The following MAVS variants were observed in gnomAD, a reference collection of about 807,000 sequenced individuals.
The protein encoded by MAVS is mitochondrial antiviral signaling protein, also known as mitochondrial antiviral-signaling protein.
Under a neutral mutation model 30.2 loss-of-function variants are expected in MAVS, and 20 were observed. The observed-to-expected ratio is 0.66, with a 90% confidence interval of 0.47 to 0.96. The LOEUF (loss-of-function observed/expected upper bound fraction) is 0.96, where lower values mean the gene tolerates loss of function less well. Among genes scored for constraint, MAVS ranks in the 40% least tolerant of loss-of-function variants. The pLI is 0.00. For missense variants in MAVS, 624 were observed against 701.1 expected (o/e 0.89, Z 1.24); for synonymous variants, 278 against 293.9 (o/e 0.95, Z 0.55).
chr20:3,865,547 G>A lies in MAVS; in HGVS notation c.1159-136G>A, dbSNP rs2089899457. ...TACCCCCACTGCTCCAAGAAAAGGT[G>A]GCCTAGGGGCATTATAGATTGGGAA... On this transcript the variant is annotated intron_variant, in intron 6 of 6. Coordinates refer to ENST00000428216, the MANE Select transcript of MAVS (RefSeq NM_020746.5). This position sits in a 1 kb window ranked among gnomAD's most constrained non-coding sequence, Gnocchi z 4.7. 1 of 787,338 alleles carries A rather than the reference G, an allele frequency of 1.3e-6. No homozygotes were observed. Among genetic ancestry groups the A allele is most frequent in the East Asian group, 2.7e-5 (1 of 36,992 alleles). The allele number at this position is 787,338 out of a possible 1,614,324, so 48.8% of individuals were successfully genotyped here.
chr20:3,860,710 TC>T (rs1165764691), intron 3 of MAVS, among the ~76,000 whole-genome samples: 1 of 148,590 alleles, frequency 6.7e-6, no homozygotes, highest in Non-Finnish European at 1.5e-5. Flanking sequence ...GGAGTCTTGC[TC>T]TGTTGCCCAG....
intron 2 of MAVS, among the ~76,000 whole-genome samples, chr20:3,856,215 C>T (rs1015694534): frequency 6.6e-6 from 1 of 151,822 alleles, no homozygotes; most frequent in Admixed American, 6.6e-5. Flanking sequence ...CCACCATGCC[C>T]GGCTAATTTT....
At chr20:3,861,217 C>T (rs551222033) in intron 3 of MAVS, 115 bp from the exon 4 acceptor site, 19 of 954,396 alleles carry the variant, frequency 2.0e-5, no homozygotes, top group Non-Finnish European at 1.9e-5. Context: ...AGGGTGGTCT[C>T]GATCTGACCT....
At chr20:3,856,186 A>G (rs1391943567) in intron 2 of MAVS, among the ~76,000 whole-genome samples, 2 of 147,226 alleles carry the variant, frequency 1.4e-5, no homozygotes, top group African/African-American at 2.5e-5. Context: ...TCTTGAGTAG[A>G]TGGGACTACA....
intron 1 of MAVS, among the ~76,000 whole-genome samples, chr20:3,852,712 T>C (rs954557474): frequency 6.6e-6 from 1 of 152,046 alleles, no homozygotes; most frequent in Non-Finnish European, 1.5e-5. Context: ...TTTATTTTTT[T>C]AGAGACAGGG....
rs1199128054 is a variant in MAVS at position 3,869,354 on chromosome 20, T to C, written c.*3207T>C. ...CGCCTGGCTAATTTTTTTGCACTTT[T>C]AGTAGAGACGGGGTTTCACTGTGTT... On this transcript the variant is annotated 3_prime_UTR_variant, in exon 7 of 7. Transcript: ENST00000428216. 1 of 151,646 alleles carries C rather than the reference T, an allele frequency of 6.6e-6. No individual in the cohort carries two copies. Among genetic ancestry groups the C allele is most frequent in the African/African-American group, 2.4e-5 (1 of 41,224 alleles). The allele number at this position is 151,646 out of a possible 1,614,324, so 9.4% of individuals were successfully genotyped here.
chr20:3,849,876 C>T (rs2089743022), intron 1 of MAVS, among the ~76,000 whole-genome samples: 1 of 152,182 alleles, frequency 6.6e-6, no homozygotes, highest in African/African-American at 2.4e-5. Context: ...TGCAGCACTC[C>T]CTGATGGGGG....
At position 3,867,218 on chromosome 20, in the gene MAVS, G is replaced by A. The variant is rs1353852479; in HGVS notation, c.*1071G>A. 1 of 368,560 alleles carries A rather than the reference G, an allele frequency of 2.7e-6. No individual in the cohort carries two copies. The highest frequency in any genetic ancestry group is 5.4e-6 in the Non-Finnish European group (1 of 186,774). The allele number at this position is 368,560 out of a possible 1,614,324, so 22.8% of individuals were successfully genotyped here. A position where few individuals can be genotyped will look rare whatever the true frequency, so the allele number is the denominator to read the frequency against. ...TGCCTCTCACCAGCTCTGTGACCTTGGGCAAGGGATTTATCTGTCTGTCCC... is the reference window on the plus strand; with the variant it reads ...TGCCTCTCACCAGCTCTGTGACCTTAGGCAAGGGATTTATCTGTCTGTCCC... On this transcript the variant is annotated 3_prime_UTR_variant, in exon 7 of 7. Transcript: ENST00000428216.
chr20:3,852,129 G>A (rs897607330), intron 1 of MAVS, among the ~76,000 whole-genome samples: 56 of 151,562 alleles, frequency 3.7e-4, no homozygotes, highest in African/African-American at 1.4e-3. Flanking sequence ...CGAGTAGCTG[G>A]GACTACAGGC....
chr20:3,852,119 C>T (rs1376260625), intron 1 of MAVS, among the ~76,000 whole-genome samples: 1 of 151,306 alleles, frequency 6.6e-6, no homozygotes, highest in Non-Finnish European at 1.5e-5. Flanking sequence ...CTCAGCCTCC[C>T]GAGTAGCTGG....
At position 3,875,661 on chromosome 20, in the gene MAVS, C is replaced by G. The variant is rs1296506644; in HGVS notation, c.*9514C>G. The G allele has an allele frequency of 1.3e-5, 2 of 152,320 alleles. No homozygotes were observed. Among genetic ancestry groups the G allele is most frequent in the African/African-American group, 2.4e-5 (1 of 41,448 alleles). 9.4% of individuals were successfully genotyped at this position (152,320 alleles called of 1,614,324 possible). A position where few individuals can be genotyped will look rare whatever the true frequency, so the allele number is the denominator to read the frequency against. On this transcript the variant is annotated 3_prime_UTR_variant, in exon 7 of 7. Coordinates refer to ENST00000428216, the MANE Select transcript of MAVS (RefSeq NM_020746.5). ...TTGTCCTGCATCCGCAGCCAGCTCC[C>G]ACTTTCCTCACCCTCCAGGACCTGT...
chr20:3,856,617 A>G (rs997288030), intron 2 of MAVS, among the ~76,000 whole-genome samples: 4 of 152,012 alleles, frequency 2.6e-5, no homozygotes, highest in South Asian at 4.1e-4. Flanking sequence ...TGCTGGGATT[A>G]CGGGTGTGAG....
chr20:3,865,606 C>T lies in MAVS; in HGVS notation c.1159-77C>T, dbSNP rs2089899697. 7.4e-7 allele frequency: 1 copy of T among 1,356,388 alleles called. No homozygotes were observed. Among genetic ancestry groups the T allele is most frequent in the East Asian group, 2.5e-5 (1 of 40,386 alleles). The allele number at this position is 1,356,388 out of a possible 1,614,324, so 84.0% of individuals were successfully genotyped here. A position where few individuals can be genotyped will look rare whatever the true frequency, so the allele number is the denominator to read the frequency against. On this transcript the variant is annotated intron_variant, in intron 6 of 6. Transcript: ENST00000428216. This position sits in a 1 kb window ranked among gnomAD's most constrained non-coding sequence, Gnocchi z 4.7. The stretch of plus-strand genomic sequence containing the variant: ...TTGGAGTGTTAGTTCATGCCCTGGC[C>T]TGGGAATGGGACCGCCCTACCAGGT...
At chr20:3,859,501 C>T (rs1478784136) in intron 3 of MAVS, among the ~76,000 whole-genome samples, 6 of 97,160 alleles carry the variant, frequency 6.2e-5, no homozygotes, top group Non-Finnish European at 1.2e-4. Context: ...GAGTGAGACT[C>T]CGTCTCCAAA....
Position 3,874,401 on chromosome 20 carries a change from A to G in MAVS, c.*8254A>G, listed in dbSNP as rs1403328161. On this transcript the variant is annotated 3_prime_UTR_variant, in exon 7 of 7. Transcript: ENST00000428216. The stretch of plus-strand genomic sequence containing the variant: ...TGGAAATAAAAACCACCTAAACAAG[A>G]GCAGAGAGGCCATTTGGTCAAAGTT... 7.6e-6 allele frequency: 3 copies of G among 395,606 alleles called. No homozygotes were observed. The highest frequency in any genetic ancestry group is 1.3e-5 in the Non-Finnish European group (3 of 224,562). The allele number at this position is 395,606 out of a possible 1,614,324, so 24.5% of individuals were successfully genotyped here. A position where few individuals can be genotyped will look rare whatever the true frequency, so the allele number is the denominator to read the frequency against.
rs1178487397 is a variant in MAVS at position 3,872,582 on chromosome 20, G to A, written c.*6435G>A. 2.6e-5 allele frequency: 4 copies of A among 152,304 alleles called. No individual in the cohort carries two copies. The highest frequency in any genetic ancestry group is 2.1e-4 in the South Asian group (1 of 4,822). 9.4% of individuals were successfully genotyped at this position (152,304 alleles called of 1,614,324 possible). On this transcript the variant is annotated 3_prime_UTR_variant, in exon 7 of 7. Coordinates refer to ENST00000428216, the MANE Select transcript of MAVS (RefSeq NM_020746.5). ...GACAATATGATTACAACTATCACGT[G>A]TGTGCCCAGCCAGGCTCAATGCCCC...
At chr20:3,859,508 C>CA (rs796640067) in intron 3 of MAVS, among the ~76,000 whole-genome samples, 19,429 of 130,616 alleles carry the variant, frequency 0.15, 1,466 homozygotes, top group South Asian at 0.28. Context: ...ACTCCGTCTC[C>CA]AAAAAAAAAA....
chr20:3,864,172 G>A, intron 5 of MAVS, 84 bp from the exon 6 acceptor site: 1 of 1,429,276 alleles, frequency 7.0e-7, no homozygotes, highest in Non-Finnish European at 9.5e-7. Flanking sequence ...GGGACCATGA[G>A]ATCTGGGCCA....
intron 1 of MAVS, among the ~76,000 whole-genome samples, chr20:3,850,612 C>T (rs1191808467): frequency 1.4e-5 from 2 of 147,924 alleles, no homozygotes; most frequent in African/African-American, 5.0e-5. Context: ...AAAGGCCAGG[C>T]GCAGTGGCTC....
Sources: allele counts gnomAD v4.1 joint callset (sites outside exome capture counted in the v4.1 genomes callset), GRCh38; gene constraint gnomAD v4.1.1; non-coding constraint Gnocchi (gnomAD v3.1); transcripts MANE v1.5; gene names NCBI Gene and HGNC (gene_info 2026-07-23, HGNC 2026-07-21).